PRRC2C: variants seen among roughly 807,000 people sequenced by gnomAD.
PRRC2C encodes the protein proline rich coiled-coil 2C.
Under a neutral mutation model 317.2 loss-of-function variants are expected in PRRC2C, and 72 were observed. That is an observed-to-expected ratio of 0.23 (90% CI 0.19 to 0.28). The LOEUF is 0.28. Among genes scored for constraint, PRRC2C ranks in the 10% least tolerant of loss-of-function variants. PRRC2C has a pLI of 1.00. For missense variants in PRRC2C, 3,074 were observed against 3,459.7 expected, an observed-to-expected ratio of 0.89 and a Z score of 2.80; for synonymous variants, 1,296 against 1,205.9, an observed-to-expected ratio of 1.07 and a Z score of -1.55.
intron 11 of PRRC2C, among the ~76,000 whole-genome samples, chr1:171,528,340 G>A (rs1263624795): frequency 1.3e-5 from 2 of 149,184 alleles, no homozygotes; most frequent in Non-Finnish European, 1.5e-5. Context: ...CCAGGCCGGA[G>A]TGCAGTGGCG....
At chr1:171,504,831 T>G (rs867491469) in intron 1 of PRRC2C, among the ~76,000 whole-genome samples, 2 of 152,198 alleles carry the variant, frequency 1.3e-5, no homozygotes, top group Non-Finnish European at 2.9e-5. Flanking sequence ...AAATTTCTTC[T>G]GAGGTTTTGT....
rs368030635 is a variant in PRRC2C at position 171,515,851 on chromosome 1, G to T, written c.518G>T (p.Arg173Leu). ...DDNYGPGPSL[R>L]PPNVACWRDG... ...AACTATGGACCTGGACCCAGTTTAC[G>T]TCCACCAAGTAAGAGTACTTTCTCT... is the stretch of plus-strand genomic sequence containing the variant. Residue 173 changes from arginine to leucine, a missense_variant, in exon 5 of 35, where the codon CGT becomes CTT. Arg to Leu is a moderately radical substitution (Grantham distance 102, BLOSUM62 -2). Around this residue, in one of 11 missense-constraint regions of PRRC2C, gnomAD observed 237 missense variants for 199.5 expected, o/e 1.19. Coordinates refer to ENST00000647382, the MANE Select transcript of PRRC2C (RefSeq NM_001387844.1). 1 of 1,593,894 alleles carries T rather than the reference G, an allele frequency of 6.3e-7. No individual in the cohort carries two copies. The highest frequency in any genetic ancestry group is 8.5e-7 in the Non-Finnish European group (1 of 1,172,312).
At chr1:171,551,266 T>C (rs1680192073) in intron 18 of PRRC2C, among the ~76,000 whole-genome samples, 1 of 152,242 alleles carries the variant, frequency 6.6e-6, no homozygotes, top group African/African-American at 2.4e-5. Context: ...ATGTCTTCTT[T>C]TGAAAAGTGT....
At chr1:171,580,395 A>G (rs559711320) in intron 28 of PRRC2C, among the ~76,000 whole-genome samples, 1 of 152,340 alleles carries the variant, frequency 6.6e-6, no homozygotes, top group East Asian at 1.9e-4. Flanking sequence ...ATATCAAAGC[A>G]TGGAAGTAAT....
intron 1 of PRRC2C, among the ~76,000 whole-genome samples, chr1:171,498,284 A>G (rs1295593463): frequency 1.3e-5 from 2 of 152,154 alleles, no homozygotes; most frequent in Non-Finnish European, 2.9e-5. Flanking sequence ...AATAACAGAA[A>G]TTAATTTCTG....
chr1:171,537,181 C>A, intron 14 of PRRC2C, 82 bp from the exon 15 acceptor site: 2 of 1,062,208 alleles, frequency 1.9e-6, no homozygotes, highest in Non-Finnish European at 2.8e-6. Flanking sequence ...CAATTAATAA[C>A]CTGTATTCTA....
intron 1 of PRRC2C, among the ~76,000 whole-genome samples, chr1:171,498,700 T>G (rs1220428118): frequency 2.0e-5 from 3 of 152,206 alleles, no homozygotes; most frequent in Non-Finnish European, 4.4e-5. Flanking sequence ...GCTTTTGTGC[T>G]TCCTACCACT....
rs1439464848 is a variant in PRRC2C, at chr1:171,523,857, G to A, written c.1055+335G>A. Among the ~76,000 whole-genome samples the A allele has an allele frequency of 2.6e-5, 4 of 152,066 alleles. 1 individual carries two copies. The highest frequency in any genetic ancestry group is 5.9e-5 in the Non-Finnish European group (4 of 68,004). ...TCGAGACCAGCTTGGCCAACATGGT[G>A]AAACCCCATCTCTACTAAAAATACA... is the stretch of plus-strand genomic sequence containing the variant. On this transcript the variant is annotated intron_variant, in intron 9 of 34. Transcript: ENST00000647382.
intron 14 of PRRC2C, 39 bp downstream of exon 14, chr1:171,536,317 A>G: frequency 6.3e-7 from 1 of 1,575,110 alleles, no homozygotes; most frequent in South Asian, 1.2e-5. Flanking sequence ...CAGGATCAAA[A>G]TTTTTTTTTC....
chr1:171,546,034 A>G (rs914622573), intron 17 of PRRC2C, among the ~76,000 whole-genome samples: 2 of 148,710 alleles, frequency 1.3e-5, no homozygotes, highest in Non-Finnish European at 3.0e-5. Flanking sequence ...TTATATTGGT[A>G]TAGATGTATT....
chr1:171,556,053 G>A (rs1421524979), intron 18 of PRRC2C, among the ~76,000 whole-genome samples: 2 of 152,134 alleles, frequency 1.3e-5, no homozygotes, highest in African/African-American at 2.4e-5. Context: ...AGTCAGGCAG[G>A]CCTCATTGAA....
intron 23 of PRRC2C, among the ~76,000 whole-genome samples, chr1:171,569,469 G>A (rs1244327478): frequency 1.3e-5 from 2 of 150,480 alleles, no homozygotes; most frequent in African/African-American, 2.4e-5. Context: ...ATAGAAAGGA[G>A]TGAGTCACAT....
chr1:171,495,077 G>A (rs185283006), intron 1 of PRRC2C, among the ~76,000 whole-genome samples: 1 of 152,100 alleles, frequency 6.6e-6, no homozygotes, highest in Non-Finnish European at 1.5e-5. Context: ...GCATTCAGTC[G>A]TTTGTTAATG....
At chr1:171,504,814 C>T (rs905193523) in intron 1 of PRRC2C, among the ~76,000 whole-genome samples, 2 of 152,068 alleles carry the variant, frequency 1.3e-5, no homozygotes, top group Non-Finnish European at 2.9e-5. Flanking sequence ...AACTTTTGTC[C>T]TCCAATAAAT....
chr1:171,533,175 T>A (rs2102430186), intron 12 of PRRC2C, among the ~76,000 whole-genome samples: 1 of 152,362 alleles, frequency 6.6e-6, no homozygotes, highest in Admixed American at 6.5e-5. Flanking sequence ...TTAGATGAGC[T>A]TCATTTCTGT....
intron 20 of PRRC2C, 21 bp from the exon 21 acceptor site, chr1:171,566,212 T>C: frequency 1.3e-6 from 2 of 1,587,964 alleles, no homozygotes; most frequent in Non-Finnish European, 1.7e-6. Context: ...GCAAGCAAGT[T>C]TTAAAATATT....
chr1:171,575,216 C>T (rs756621702), intron 25 of PRRC2C, 88 bp downstream of exon 25: 19 of 1,250,442 alleles, frequency 1.5e-5, no homozygotes, highest in Admixed American at 9.3e-5. Context: ...TCTAGCCCTC[C>T]GAAAATAGTA....
chr1:171,572,145 T>TG (rs1684867142), intron 24 of PRRC2C, among the ~76,000 whole-genome samples: 1 of 152,116 alleles, frequency 6.6e-6, no homozygotes, highest in African/African-American at 2.4e-5. Flanking sequence ...GAGGTTTTTT[T>TG]TAATTTAAAA....
chr1:171,518,553 A>G (rs1672896421), intron 6 of PRRC2C, among the ~76,000 whole-genome samples: 2 of 123,836 alleles, frequency 1.6e-5, no homozygotes, highest in Admixed American at 2.0e-4. Context: ...GCTGGAGTGC[A>G]GTGGCATGAT....
Sources: allele counts gnomAD v4.1 joint callset (sites outside exome capture counted in the v4.1 genomes callset), GRCh38; gene constraint gnomAD v4.1.1; regional missense constraint gnomAD v4.1.1; transcripts MANE v1.5; gene names NCBI Gene and HGNC (gene_info 2026-07-23, HGNC 2026-07-21).